The following MSN variants were observed in gnomAD, a reference collection of about 807,000 sequenced individuals.
The protein encoded by MSN is epididymis luminal protein 70.
A neutral mutation model predicts 48.0 loss-of-function variants in MSN; 2 were observed. The ratio of observed to expected loss-of-function variants is 0.04; its 90% confidence interval spans 0.02 to 0.13. The LOEUF is 0.13. Ranked by LOEUF, MSN falls within the 10% of genes least tolerant of loss-of-function variation. The probability of loss-of-function intolerance (pLI) is 1.00; values close to 1 mark genes in which losing one functional copy is unlikely to be tolerated. For missense variants in MSN, 267 were observed against 470.1 expected (o/e 0.57, Z 3.99); for synonymous variants, 146 against 166.9 (o/e 0.87, Z 0.97).
At position 65,619,470 on chromosome X, in the gene MSN, G is replaced by A. The variant is rs1191553826; in HGVS notation, c.-22+30858G>A. ...CATTTCATTCATTTCATCTTCCATC[G>A]CTGATACCCTTTCTTCCAGTTGATC... On this transcript the variant is annotated intron_variant, in intron 1 of 3. Transcript: ENST00000609672. Among the ~76,000 whole-genome samples, 70 of 98,312 alleles carry A rather than the reference G, an allele frequency of 7.1e-4. 2 individuals carry two copies. In the East Asian group the frequency reaches 0.018, roughly 26 times the overall value. The allele number at this position is 98,312 out of a possible 115,157, so 85.4% of individuals were successfully genotyped here.
At chrX:65,588,638 G>C in intron 1 of MSN, 1 of 793,312 alleles carries the variant, frequency 1.3e-6, no homozygotes, top group Non-Finnish European at 1.5e-6. Flanking sequence ...CTGGCTGAGG[G>C]TTGGGAGAGG....
At chrX:65,714,418 A>G (rs1340091989) in intron 1 of MSN, among the ~76,000 whole-genome samples, 32 of 111,716 alleles carry the variant, frequency 2.9e-4, no homozygotes, top group Non-Finnish European at 1.5e-4. Context: ...GGTTGAACTA[A>G]TTTACACTCC....
chrX:65,685,619 A>G (rs772415426), intron 1 of MSN, among the ~76,000 whole-genome samples: 2 of 111,863 alleles, frequency 1.8e-5, no homozygotes, highest in East Asian at 5.6e-4. Context: ...TTTTTGAGAC[A>G]GAGTCTTGCT....
chrX:65,701,429 C>T (rs2071302612), intron 1 of MSN, among the ~76,000 whole-genome samples: 1 of 111,900 alleles, frequency 8.9e-6, no homozygotes, highest in African/African-American at 3.3e-5. Context: ...GGCCAGAAAG[C>T]ATTTTGGATG....
At chrX:65,728,012 G>A in intron 3 of MSN, 103 bp downstream of exon 3, 1 of 719,602 alleles carries the variant, frequency 1.4e-6, no homozygotes, top group Non-Finnish European at 2.1e-6. Flanking sequence ...ACCTAGGGCT[G>A]TGTTTGTGAC....
At chrX:65,660,626 G>A (rs2070815342) in intron 1 of MSN, among the ~76,000 whole-genome samples, 1 of 106,139 alleles carries the variant, frequency 9.4e-6, no homozygotes, top group Non-Finnish European at 1.9e-5. Flanking sequence ...GAGTGCAGTG[G>A]CGCCGTCTCG....
At chrX:65,734,084 CA>C (rs1190542109) in intron 7 of MSN, among the ~76,000 whole-genome samples, 1 of 111,990 alleles carries the variant, frequency 8.9e-6, no homozygotes, top group African/African-American at 3.2e-5. Flanking sequence ...AATCCAAGAC[CA>C]AAAAAGTGCT....
Position 65,690,086 on chromosome X carries a change from T to C in MSN, c.12+22233T>C, listed in dbSNP as rs185460354. ...GCCTGTGTAATTGATCTTGACCAGTTTGTAGGAGCACGTGTAGACTCTGAT... is the reference window on the plus strand; with the variant it reads ...GCCTGTGTAATTGATCTTGACCAGTCTGTAGGAGCACGTGTAGACTCTGAT... On this transcript the variant is annotated intron_variant, in intron 1 of 12. Transcript: ENST00000360270. Among the ~76,000 whole-genome samples, 260 of 111,526 alleles carry C rather than the reference T, an allele frequency of 2.3e-3. 3 individuals carry two copies. The highest frequency in any genetic ancestry group is 8.4e-3 in the African/African-American group (257 of 30,658).
At chrX:65,612,374 A>G (rs1466339746) in intron 1 of MSN, among the ~76,000 whole-genome samples, 1 of 110,988 alleles carries the variant, frequency 9.0e-6, no homozygotes, top group Non-Finnish European at 1.9e-5. Flanking sequence ...TCTGTTCCTC[A>G]TAAATTACCT....
At chrX:65,721,282 C>T (rs768596172) in intron 2 of MSN, among the ~76,000 whole-genome samples, 47 of 112,522 alleles carry the variant, frequency 4.2e-4, no homozygotes, top group Non-Finnish European at 5.1e-4. Flanking sequence ...CCTGTTACTT[C>T]GCTGTGTGAC....
At chrX:65,594,674 A>T (rs1410769453) in intron 1 of MSN, among the ~76,000 whole-genome samples, 1 of 111,570 alleles carries the variant, frequency 9.0e-6, no homozygotes, top group East Asian at 2.8e-4. Context: ...AGATCCAGAG[A>T]GAGGCTGAAA....
intron 1 of MSN, among the ~76,000 whole-genome samples, chrX:65,591,755 C>T (rs1162288262): frequency 9.0e-6 from 1 of 111,316 alleles, no homozygotes; most frequent in African/African-American, 3.3e-5. Context: ...TTCTTAACCC[C>T]GGAGTGACCA....
intron 1 of MSN, among the ~76,000 whole-genome samples, chrX:65,624,190 T>G (rs746612370): frequency 9.1e-6 from 1 of 109,854 alleles, no homozygotes; most frequent in Non-Finnish European, 1.9e-5. Context: ...GTGACTTTCC[T>G]GTCTCAGCCT....
intron 1 of MSN, among the ~76,000 whole-genome samples, chrX:65,715,544 C>T (rs901697736): frequency 1.8e-5 from 2 of 111,580 alleles, no homozygotes; most frequent in African/African-American, 6.5e-5. Flanking sequence ...TCTTTCGCTT[C>T]CCTAGTTAAC....
chrX:65,626,089 G>A (rs1249658362), intron 1 of MSN, among the ~76,000 whole-genome samples: 2 of 109,297 alleles, frequency 1.8e-5, no homozygotes, highest in African/African-American at 3.3e-5. Context: ...CCAGTAGCTG[G>A]GACTACAGGC....
At chrX:65,730,177 A>G (rs1386440177) in intron 4 of MSN, among the ~76,000 whole-genome samples, 1 of 112,192 alleles carries the variant, frequency 8.9e-6, no homozygotes, top group East Asian at 2.8e-4. Context: ...TCAAAGTCAA[A>G]AGCTCTAAAA....
chrX:65,628,268 G>A (rs187657960), intron 1 of MSN, among the ~76,000 whole-genome samples: 140 of 112,917 alleles, frequency 1.2e-3, no homozygotes, highest in African/African-American at 4.1e-3. Context: ...TGAGGGCTCC[G>A]CCCCAGCAGC....
intron 1 of MSN, among the ~76,000 whole-genome samples, chrX:65,623,811 T>G (rs1352730790): frequency 2.4e-5 from 2 of 82,284 alleles, no homozygotes; most frequent in Non-Finnish European, 4.0e-5. Context: ...AAACTCCGTC[T>G]CAAAAAAAAA....
chrX:65,610,608 T>C (rs1439295642), intron 1 of MSN, among the ~76,000 whole-genome samples: 1 of 112,137 alleles, frequency 8.9e-6, no homozygotes, highest in Non-Finnish European at 1.9e-5. Flanking sequence ...TAAATTCTTT[T>C]GGGTGTATAC....
Sources: gnomAD v4.1 joint callset for allele counts (sites outside exome capture counted in the v4.1 genomes callset) on GRCh38, gnomAD v4.1.1 for gene constraint, MANE v1.5 for transcripts, NCBI Gene and HGNC (gene_info 2026-07-23, HGNC 2026-07-21) for gene names.